CABLES1: variants seen among roughly 807,000 people sequenced by gnomAD.
CABLES1 encodes the protein Cdk5 and Abl enzyme substrate 1.
Under a neutral mutation model 57.8 loss-of-function variants are expected in CABLES1, and 36 were observed. That is an observed-to-expected ratio of 0.62 (90% CI 0.48 to 0.82). The LOEUF is 0.82. CABLES1 is among the 40% of genes least tolerant of loss of function. The pLI, the probability that CABLES1 is intolerant of heterozygous loss-of-function variation, is 0.00. For missense variants in CABLES1, 767 were observed against 836.6 expected, an observed-to-expected ratio of 0.92 and a Z score of 1.03; for synonymous variants, 374 against 363.0, an observed-to-expected ratio of 1.03 and a Z score of -0.35.
rs1419271945 is a variant in CABLES1 at position 23,213,754 on chromosome 18, G to T, written c.1011-223G>T. Among the ~76,000 whole-genome samples, 6 of 152,342 alleles carry T rather than the reference G, an allele frequency of 3.9e-5. No homozygotes were observed. The East Asian group carries it at 9.6e-4, about 24-fold the overall frequency. On this transcript the variant is annotated intron_variant, in intron 3 of 9. Coordinates refer to ENST00000256925, the MANE Select transcript of CABLES1 (RefSeq NM_001100619.3). Reference sequence around the variant, plus strand: ...GTGTACTCATTAGTGACCCTTGCTGGTGTCTCACATGTTAATATTGGGATG... The same window carrying T: ...GTGTACTCATTAGTGACCCTTGCTGTTGTCTCACATGTTAATATTGGGATG...
chr18:23,161,964 G>A (rs1462865532), intron 1 of CABLES1, among the ~76,000 whole-genome samples: 1 of 151,728 alleles, frequency 6.6e-6, no homozygotes, highest in African/African-American at 2.4e-5. Flanking sequence ...TCAAGAGTTT[G>A]AGACCAGCCT....
At chr18:23,195,901 T>G (rs2047279068) in intron 3 of CABLES1, among the ~76,000 whole-genome samples, 1 of 152,220 alleles carries the variant, frequency 6.6e-6, no homozygotes, top group African/African-American at 2.4e-5. Flanking sequence ...TGGTTTACAT[T>G]TATGTTTTTG....
chr18:23,223,078 G>A (rs1370993324), intron 4 of CABLES1, among the ~76,000 whole-genome samples: 2 of 152,084 alleles, frequency 1.3e-5, no homozygotes, highest in African/African-American at 2.4e-5. Context: ...GGATGCCAAG[G>A]GCCTTTAGAT....
chr18:23,196,322 G>GGCCACGGCGGGTCA (rs1289860282), intron 3 of CABLES1, among the ~76,000 whole-genome samples: 1 of 152,178 alleles, frequency 6.6e-6, no homozygotes, highest in East Asian at 1.9e-4. Context: ...TGTAGGCTGA[G>GGCCACGGCGGGTCA]GCCACGGCGG....
chr18:23,194,640 C>G, intron 3 of CABLES1, 100 bp downstream of exon 3: 2 of 758,924 alleles, frequency 2.6e-6, no homozygotes, highest in East Asian at 5.1e-5. Context: ...AAACGCAAGC[C>G]CACACTTTTA....
At chr18:23,135,415 CAA>C (rs1001108163), upstream of CABLES1, 5 of 152,244 alleles carry the variant, frequency 3.3e-5, no homozygotes, top group African/African-American at 1.2e-4. Context: ...CGTGTTATTG[CAA>C]AGAGGGCTTT....
At chr18:23,143,050 A>G (rs144600949) in intron 1 of CABLES1, among the ~76,000 whole-genome samples, 3,392 of 152,226 alleles carry the variant, frequency 0.022, 50 homozygotes, top group Non-Finnish European at 0.03. Flanking sequence ...CTGTGCTACA[A>G]TTTACAGGTC....
At chr18:23,164,502 C>G (rs1598806601) in intron 1 of CABLES1, among the ~76,000 whole-genome samples, 1 of 152,192 alleles carries the variant, frequency 6.6e-6, no homozygotes, top group East Asian at 1.9e-4. Context: ...GGTGGAAATG[C>G]AATTCTTTTC....
At position 23,135,774 on chromosome 18, in the gene CABLES1, G is replaced by GGCGGCT; in HGVS notation, c.17_18insTGCGGC (p.Ala7_Ala8dup). On this transcript the variant is annotated inframe_insertion, in exon 1 of 10. Transcript: ENST00000256925. ...CGCAGACGGACACAATGGCGGCGGC[G>GGCGGCT]GCGGCGGCCGCCACCACGGCCGCCT... 1 of 985,156 alleles carries GGCGGCT rather than the reference G, an allele frequency of 1.0e-6. No individual in the cohort carries two copies. The highest frequency in any genetic ancestry group is 1.2e-6 in the Non-Finnish European group (1 of 831,072). The allele number at this position is 985,156 out of a possible 1,614,324, so 61.0% of individuals were successfully genotyped here.
chr18:23,184,231 G>T (rs1349830354), intron 1 of CABLES1, among the ~76,000 whole-genome samples: 4 of 152,120 alleles, frequency 2.6e-5, no homozygotes, highest in Non-Finnish European at 4.4e-5. Flanking sequence ...GGGCATTTGG[G>T]CGTGGATTTT....
At chr18:23,257,074 A>G in intron 9 of CABLES1, 153 bp from the exon 10 acceptor site, 2 of 808,274 alleles carry the variant, frequency 2.5e-6, no homozygotes, top group South Asian at 1.8e-5. Flanking sequence ...CAGGAAGCAC[A>G]GCCTGTGCCT....
chr18:23,211,259 G>A (rs1464373284), intron 3 of CABLES1, among the ~76,000 whole-genome samples: 1 of 152,214 alleles, frequency 6.6e-6, no homozygotes, highest in Non-Finnish European at 1.5e-5. Flanking sequence ...TGAGTAGTGA[G>A]GAAAATGCAG....
chr18:23,257,247 G>T lies in CABLES1; in HGVS notation c.1782G>T (p.Arg594=). Residue 594 remains arginine, a synonymous_variant, in exon 10 of 10, where the codon CGG becomes CGT. Coordinates refer to ENST00000256925, the MANE Select transcript of CABLES1 (RefSeq NM_001100619.3). ...TGCAGAAACTGGAAGAGAAGTTCCG[G>T]CTGAACAGGCGAGAACTGATTGCCT... The part of the protein sequence containing the change: ...HLIDKLEEKF[R]LNRRELIAFE... 6 of 1,605,824 alleles carry T rather than the reference G, an allele frequency of 3.7e-6. No individual in the cohort carries two copies. The highest frequency in any genetic ancestry group is 5.1e-6 in the Non-Finnish European group (6 of 1,178,178).
At chr18:23,173,026 T>A (rs532446023) in intron 1 of CABLES1, among the ~76,000 whole-genome samples, 41 of 152,254 alleles carry the variant, frequency 2.7e-4, no homozygotes, top group African/African-American at 9.9e-4. Context: ...GATGGGAGGT[T>A]ATGGAAATGG....
intron 7 of CABLES1, among the ~76,000 whole-genome samples, chr18:23,238,034 G>A (rs183986067): frequency 1.3e-5 from 2 of 151,242 alleles, no homozygotes; most frequent in African/African-American, 2.4e-5. Context: ...ACCTCCCTGC[G>A]TTTTGCATGT....
intron 1 of CABLES1, among the ~76,000 whole-genome samples, chr18:23,160,239 A>G (rs749994596): frequency 1.8e-4 from 28 of 151,858 alleles, no homozygotes; most frequent in African/African-American, 6.0e-4. Flanking sequence ...GGGTTTCACT[A>G]TGTTGGCCAG....
At chr18:23,208,767 C>T (rs2047382681) in intron 3 of CABLES1, among the ~76,000 whole-genome samples, 1 of 152,184 alleles carries the variant, frequency 6.6e-6, no homozygotes, top group Admixed American at 6.5e-5. Flanking sequence ...GTTGTGGAGA[C>T]TGGAAGCGCG....
At chr18:23,190,797 C>T (rs1012137999) in intron 2 of CABLES1, among the ~76,000 whole-genome samples, 11 of 151,940 alleles carry the variant, frequency 7.2e-5, no homozygotes, top group African/African-American at 2.2e-4. Flanking sequence ...AGTTCTCAGC[C>T]GGGTGCAGTG....
At chr18:23,249,958 C>A (rs1467712571) in intron 7 of CABLES1, among the ~76,000 whole-genome samples, 5 of 152,238 alleles carry the variant, frequency 3.3e-5, no homozygotes, top group African/African-American at 1.2e-4. Flanking sequence ...TCACTCAGGT[C>A]TGGGGTGAGC....
Sources: gnomAD v4.1 joint callset for allele counts (sites outside exome capture counted in the v4.1 genomes callset) on GRCh38, gnomAD v4.1.1 for gene constraint, MANE v1.5 for transcripts, NCBI Gene and HGNC (gene_info 2026-07-23, HGNC 2026-07-21) for gene names.